ZNF804B: variants seen among roughly 807,000 people sequenced by gnomAD.
ZNF804B encodes zinc finger 804B.
ZNF804B carries 80 observed loss-of-function variants against 101.4 expected under a neutral mutation model. The ratio of observed to expected loss-of-function variants is 0.79; its 90% CI spans 0.66 to 0.95. The LOEUF is 0.95. Ranked by LOEUF, ZNF804B falls within the 40% of genes least tolerant of loss-of-function variation. The pLI is 0.00. For synonymous variants in ZNF804B, 622 were observed against 558.8 expected, an observed-to-expected ratio of 1.11 and a Z score of -1.59; for missense variants, 1,673 against 1,561.9, an observed-to-expected ratio of 1.07 and a Z score of -1.20.
At chr7:89,086,875 A>T (rs1789810307) in intron 1 of ZNF804B, among the ~76,000 whole-genome samples, 1 of 151,952 alleles carries the variant, frequency 6.6e-6, no homozygotes, top group South Asian at 2.1e-4. Flanking sequence ...ATCTATACCT[A>T]ATGCTAAATG....
chr7:89,303,388 C>G (rs970753300), intron 2 of ZNF804B, among the ~76,000 whole-genome samples: 1 of 151,692 alleles, frequency 6.6e-6, no homozygotes, highest in Non-Finnish European at 1.5e-5. Context: ...ATGGCAATGT[C>G]GTGATTCCAA....
intron 1 of ZNF804B, among the ~76,000 whole-genome samples, chr7:89,061,337 A>T (rs1014340155): frequency 6.6e-6 from 1 of 152,002 alleles, no homozygotes; most frequent in East Asian, 1.9e-4. Flanking sequence ...AGCATTTGGG[A>T]TTATGGTGTT....
At chr7:89,270,307 A>T (rs1476741054) in intron 2 of ZNF804B, among the ~76,000 whole-genome samples, 6 of 152,196 alleles carry the variant, frequency 3.9e-5, no homozygotes, top group African/African-American at 1.4e-4. Flanking sequence ...CCCCAGCACC[A>T]TTTATTAAAT....
intron 1 of ZNF804B, among the ~76,000 whole-genome samples, chr7:88,927,085 C>T (rs1298465049): frequency 6.6e-6 from 1 of 151,956 alleles, no homozygotes; most frequent in Non-Finnish European, 1.5e-5. Flanking sequence ...TCCTGTATTC[C>T]CAAGTGTGCC....
intron 1 of ZNF804B, among the ~76,000 whole-genome samples, chr7:88,816,993 C>T (rs1296996531): frequency 2.0e-5 from 3 of 151,142 alleles, no homozygotes; most frequent in Admixed American, 6.6e-5. Context: ...AAATGTCCAA[C>T]CATTATAGAC....
At chr7:89,112,231 T>G (rs1184414224) in intron 1 of ZNF804B, among the ~76,000 whole-genome samples, 1 of 152,166 alleles carries the variant, frequency 6.6e-6, no homozygotes, top group Non-Finnish European at 1.5e-5. Context: ...AGCTATCTTA[T>G]AAAACTTTAA....
At chr7:88,904,822 A>G (rs1033688848) in intron 1 of ZNF804B, among the ~76,000 whole-genome samples, 2 of 152,154 alleles carry the variant, frequency 1.3e-5, no homozygotes. Context: ...ATTACAAAAG[A>G]TGTGTATCAG....
chr7:89,163,185 C>A (rs1791093120), intron 1 of ZNF804B, among the ~76,000 whole-genome samples: 1 of 152,072 alleles, frequency 6.6e-6, no homozygotes, highest in South Asian at 2.1e-4. Flanking sequence ...TGTTTAAAGA[C>A]ATGATGGAGA....
chr7:89,315,422 C>T (rs1790709549), intron 2 of ZNF804B, among the ~76,000 whole-genome samples: 2 of 152,112 alleles, frequency 1.3e-5, no homozygotes, highest in African/African-American at 2.4e-5. Flanking sequence ...AAATGATTAT[C>T]TATAAATTAT....
chr7:88,881,457 A>G (rs1041477959), intron 1 of ZNF804B, among the ~76,000 whole-genome samples: 1 of 152,172 alleles, frequency 6.6e-6, no homozygotes, highest in African/African-American at 2.4e-5. Context: ...ATAAGAATGC[A>G]GAGATTTCAT....
intron 1 of ZNF804B, among the ~76,000 whole-genome samples, chr7:88,991,632 G>GGGTA (rs1432250969): frequency 1.3e-5 from 2 of 152,266 alleles, no homozygotes; most frequent in Non-Finnish European, 2.9e-5. Flanking sequence ...TCTGCCTGTG[G>GGGTA]GGTAGCCCTC....
chr7:88,854,497 CT>C (rs1417061989), intron 1 of ZNF804B, among the ~76,000 whole-genome samples: 15 of 77,558 alleles, frequency 1.9e-4, no homozygotes, highest in Non-Finnish European at 2.8e-4. Flanking sequence ...CTTTCCTTTC[CT>C]TTCCTTTCCT....
chr7:89,312,113 C>G lies in ZNF804B; in HGVS notation c.250-15231C>G, dbSNP rs187275686. On this transcript the variant is annotated intron_variant, in intron 2 of 3. Transcript: ENST00000333190. ...GGGGCACATACCTTCAACACCTTAC[C>G]ATATGCCACTCCCTCAGCCAGGGAG... is the stretch of plus-strand genomic sequence containing the variant. Among the ~76,000 whole-genome samples, 346 of 152,248 alleles carry G rather than the reference C, an allele frequency of 2.3e-3. 4 individuals carry two copies. Among genetic ancestry groups the G allele is most frequent in the Admixed American group, 0.02 (313 of 15,284 alleles).
At chr7:88,870,400 A>AAG (rs1554341921) in intron 1 of ZNF804B, among the ~76,000 whole-genome samples, 1,868 of 112,734 alleles carry the variant, frequency 0.017, 278 homozygotes, top group African/African-American at 0.069. Flanking sequence ...AAAAAAAAAA[A>AAG]AAAAAAAGGT....
chr7:89,207,857 T>C (rs889424233), intron 1 of ZNF804B, among the ~76,000 whole-genome samples: 1 of 152,170 alleles, frequency 6.6e-6, no homozygotes, highest in African/African-American at 2.4e-5. Flanking sequence ...AAGAATTCAC[T>C]GTAATTTAAT....
intron 1 of ZNF804B, among the ~76,000 whole-genome samples, chr7:89,089,489 A>C (rs1789851766): frequency 6.6e-6 from 1 of 152,058 alleles, no homozygotes; most frequent in Non-Finnish European, 1.5e-5. Context: ...CTCCTCTGTA[A>C]AATGGAAATG....
chr7:88,841,352 C>A (rs575620960), intron 1 of ZNF804B, among the ~76,000 whole-genome samples: 8 of 152,246 alleles, frequency 5.3e-5, no homozygotes, highest in African/African-American at 1.9e-4. Context: ...GGTCTGGAGA[C>A]TGAGTCCAAA....
chr7:89,281,107 G>C (rs1244527769), intron 2 of ZNF804B, among the ~76,000 whole-genome samples: 1 of 151,894 alleles, frequency 6.6e-6, no homozygotes, highest in African/African-American at 2.4e-5. Context: ...TGTTGTTCAT[G>C]GATTTATATT....
chr7:88,815,764 G>A (rs1450670558), intron 1 of ZNF804B, among the ~76,000 whole-genome samples: 1 of 151,970 alleles, frequency 6.6e-6, no homozygotes, highest in Admixed American at 6.6e-5. Context: ...GTACCTCCCT[G>A]CTCTTTTGGG....
Sources: allele counts gnomAD v4.1 joint callset (sites outside exome capture counted in the v4.1 genomes callset), GRCh38; gene constraint gnomAD v4.1.1; transcripts MANE v1.5; gene names NCBI Gene and HGNC (gene_info 2026-07-23, HGNC 2026-07-21).